The following AXDND1 variants were observed in gnomAD, a reference collection of about 807,000 sequenced individuals.
The protein encoded by AXDND1 is axonemal dynein light chain domain-containing protein 1.
Under a neutral mutation model 137.5 loss-of-function variants are expected in AXDND1, and 110 were observed. The observed-to-expected ratio is 0.80, with a 90% CI of 0.69 to 0.94. The LOEUF is 0.94. AXDND1 is among the 40% of genes least tolerant of loss of function. The probability of loss-of-function intolerance (pLI) is 0.00; values close to 1 mark genes in which losing one functional copy is unlikely to be tolerated. For synonymous variants in AXDND1, 414 were observed against 399.7 expected (o/e 1.04, Z -0.43); for missense variants, 1,191 against 1,169.8 (o/e 1.02, Z -0.26).
chr1:179,506,341 A>C (rs1157177345), intron 20 of AXDND1, among the ~76,000 whole-genome samples: 1 of 152,226 alleles, frequency 6.6e-6, no homozygotes, highest in Non-Finnish European at 1.5e-5. Context: ...AGTGCTGAGA[A>C]TATATGGGAG....
At chr1:179,506,416 C>G (rs146349650) in intron 20 of AXDND1, among the ~76,000 whole-genome samples, 2 of 152,314 alleles carry the variant, frequency 1.3e-5, no homozygotes, top group African/African-American at 4.8e-5. Flanking sequence ...GCTCTTCAAA[C>G]TTGACTTCCA....
chr1:179,455,930 T>C (rs1229082993), intron 16 of AXDND1: 1 of 262,476 alleles, frequency 3.8e-6, no homozygotes, highest in African/African-American at 2.3e-5. Context: ...GACTATTACA[T>C]TTAGCAATCA....
chr1:179,430,553 C>G lies in AXDND1; in HGVS notation c.1434C>G (p.Ser478Arg). 1 of 1,613,636 alleles carries G rather than the reference C, an allele frequency of 6.2e-7. No individual in the cohort carries two copies. The highest frequency in any genetic ancestry group is 8.5e-7 in the Non-Finnish European group (1 of 1,179,820). ...QEVEQMEEST[S>R]ETLKIVKDGL... ...TAGAACAAATGGAAGAGTCTACAAG[C>G]GAGACACTGAAAATTGTTAAGGATG... is the stretch of plus-strand genomic sequence containing the variant. The change falls in exon 14 of 26, where the codon AGC becomes AGG. Residue 478 changes from serine to arginine, a missense_variant. Physicochemically the swap from Ser to Arg is moderately radical, Grantham distance 110. Coordinates refer to ENST00000367618, the MANE Select transcript of AXDND1 (RefSeq NM_144696.6).
intron 9 of AXDND1, among the ~76,000 whole-genome samples, chr1:179,392,819 T>C (rs1188986713): frequency 2.6e-5 from 4 of 152,160 alleles, no homozygotes; most frequent in Non-Finnish European, 5.9e-5. Flanking sequence ...GGTGAAATTA[T>C]CTGTTTTTTT....
chr1:179,489,741 C>CTTTT (rs140787885), intron 18 of AXDND1, among the ~76,000 whole-genome samples: 2 of 101,278 alleles, frequency 2.0e-5, no homozygotes, highest in African/African-American at 3.8e-5. Context: ...TACTACTTTT[C>CTTTT]TTTTTTTTTT....
rs893643282 is a variant in AXDND1 at position 179,411,063 on chromosome 1, A to C, written c.1110-83A>C. 7 of 1,151,866 alleles carry C rather than the reference A, an allele frequency of 6.1e-6. No homozygotes were observed. In the African/African-American group the frequency reaches 1.1e-4, roughly 19 times the overall value. The allele number at this position is 1,151,866 out of a possible 1,614,324, so 71.4% of individuals were successfully genotyped here. A position where few individuals can be genotyped will look rare whatever the true frequency, so the allele number is the denominator to read the frequency against. ...TTAAAGGAACACATTACCTATTTTA[A>C]AACAAATTTCTTTTTTAAAAAATAT... On this transcript the variant is annotated intron_variant, in intron 11 of 25. Coordinates refer to ENST00000367618, the MANE Select transcript of AXDND1 (RefSeq NM_144696.6).
intron 21 of AXDND1, among the ~76,000 whole-genome samples, chr1:179,512,054 A>G (rs188818390): frequency 1.9e-4 from 29 of 152,080 alleles, no homozygotes; most frequent in African/African-American, 7.0e-4. Flanking sequence ...GCTGTGCAAA[A>G]GCTCTTTAGT....
chr1:179,488,634 C>CTTTCTTTCTTTCTTTTT (rs376189496), intron 18 of AXDND1, among the ~76,000 whole-genome samples: 2 of 105,254 alleles, frequency 1.9e-5, no homozygotes, highest in East Asian at 2.6e-4. Context: ...CTCTCTCTCT[C>CTTTCTTTCTTTCTTTTT]CTTTCTTTCT....
intron 20 of AXDND1, among the ~76,000 whole-genome samples, chr1:179,503,331 AC>A: frequency 6.6e-6 from 1 of 151,988 alleles, no homozygotes; most frequent in Non-Finnish European, 1.5e-5. Context: ...CTGTTTAAAA[AC>A]TTTTATGTTA....
intron 16 of AXDND1, among the ~76,000 whole-genome samples, chr1:179,459,819 CTCTTTT>C (rs1458610353): frequency 2.2e-5 from 3 of 136,578 alleles, no homozygotes; most frequent in Admixed American, 1.5e-4. Context: ...TTCCTTCCTT[CTCTTTT>C]TCTTTTCTTT....
intron 4 of AXDND1, among the ~76,000 whole-genome samples, chr1:179,371,265 A>G (rs1668008551): frequency 6.6e-6 from 1 of 151,980 alleles, no homozygotes; most frequent in Admixed American, 6.6e-5. Context: ...CTGTCACTAC[A>G]AAAAATACAA....
chr1:179,370,188 T>A, intron 4 of AXDND1, 110 bp downstream of exon 4: 1 of 845,282 alleles, frequency 1.2e-6, no homozygotes, highest in Non-Finnish European at 1.9e-6. Context: ...TCATAGATGA[T>A]AAAATTTACA....
At chr1:179,374,267 A>G (rs1668346340) in intron 4 of AXDND1, among the ~76,000 whole-genome samples, 1 of 152,230 alleles carries the variant, frequency 6.6e-6, no homozygotes, top group Non-Finnish European at 1.5e-5. Flanking sequence ...AATCAAAACC[A>G]CAATGAGATA....
At chr1:179,373,758 A>G (rs1668285997) in intron 4 of AXDND1, among the ~76,000 whole-genome samples, 1 of 152,228 alleles carries the variant, frequency 6.6e-6, no homozygotes, top group African/African-American at 2.4e-5. Context: ...TGGTGCTGGG[A>G]AAACTGGCTA....
rs757431701 is a variant in AXDND1, at chr1:179,552,712, G to T, written c.3032-1800G>T. The T allele has an allele frequency of 1.6e-5, 25 of 1,567,284 alleles. No homozygotes were observed. In the African/African-American group the frequency reaches 3.0e-4, roughly 19 times the overall value. On this transcript the variant is annotated intron_variant, in intron 25 of 25. Coordinates refer to ENST00000367618, the MANE Select transcript of AXDND1 (RefSeq NM_144696.6). ...AAAGAAAGAATGCAGGTATGTAGGT[G>T]TGCAGCCATGATTTAGGGGCCAAAG...
chr1:179,466,762 G>A (rs1663255240), intron 16 of AXDND1, among the ~76,000 whole-genome samples: 1 of 152,150 alleles, frequency 6.6e-6, no homozygotes, highest in East Asian at 1.9e-4. Flanking sequence ...TGGACATTGT[G>A]TGTGAAGAGT....
chr1:179,518,501 A>G (rs1003066484), intron 21 of AXDND1, among the ~76,000 whole-genome samples: 3 of 151,652 alleles, frequency 2.0e-5, no homozygotes, highest in African/African-American at 7.3e-5. Flanking sequence ...TATTGAGCCT[A>G]GTACCCATTA....
In AXDND1 at chr1:179,368,953, AG is replaced by A; in HGVS notation, c.252del (p.Ile86LeufsTer12). The A allele has an allele frequency of 6.2e-7, 1 of 1,612,514 alleles. No individual in the cohort carries two copies. Among genetic ancestry groups the A allele is most frequent in the Non-Finnish European group, 8.5e-7 (1 of 1,179,308 alleles). ...TGTCCTGAAAACTTACTACCTCCTAAGAAAATTAAAACCCCAAAGGTTTGTA... is the reference window on the plus strand; with the variant it reads ...TGTCCTGAAAACTTACTACCTCCTAAAAAATTAAAACCCCAAAGGTTTGTA... Reference protein sequence around the residue: ...GPCPENLLPPKKIKTPKGTLP... With the variant: ...GPCPENLLPPXKIKTPKGTLP... On this transcript the variant is annotated frameshift_variant, in exon 3 of 26. Transcript: ENST00000367618. LOFTEE classifies it high-confidence loss of function.
intron 17 of AXDND1, among the ~76,000 whole-genome samples, chr1:179,469,267 G>T (rs1428732195): frequency 6.6e-6 from 1 of 152,100 alleles, no homozygotes; most frequent in African/African-American, 2.4e-5. Context: ...TCATTGTACT[G>T]TGTGGTCTTT....
Sources: allele counts gnomAD v4.1 joint callset (sites outside exome capture counted in the v4.1 genomes callset), GRCh38; gene constraint gnomAD v4.1.1; transcripts MANE v1.5; gene names NCBI Gene and HGNC (gene_info 2026-07-23, HGNC 2026-07-21).